The following TMEM243 variants were observed in gnomAD, a reference collection of about 807,000 sequenced individuals.
TMEM243 encodes the protein transmembrane protein 243, also known as MDR1 and mitochondrial taxol resistance associated.
A neutral mutation model predicts 15.0 loss-of-function variants in TMEM243; 20 were observed. The ratio of observed to expected loss-of-function variants is 1.33; its 90% CI spans 0.94 to 1.93. The LOEUF is 1.93. Among genes scored for constraint, TMEM243 ranks in the 30% most tolerant of loss-of-function variants. The pLI is 0.00. For missense variants in TMEM243, 156 were observed against 142.1 expected, an observed-to-expected ratio of 1.10 and a Z score of -0.50; for synonymous variants, 72 against 52.7, an observed-to-expected ratio of 1.37 and a Z score of -1.59.
chr7:87,207,270 G>A (rs1242192374), intron 1 of TMEM243, among the ~76,000 whole-genome samples: 2 of 152,196 alleles, frequency 1.3e-5, no homozygotes, highest in Non-Finnish European at 2.9e-5. Context: ...CCCAGAGAGG[G>A]GCAAGGCAAA....
intron 2 of TMEM243, chr7:87,198,256 G>A (rs1801515418): frequency 2.4e-5 from 11 of 454,792 alleles, no homozygotes; most frequent in Middle Eastern, 1.1e-3. Context: ...ACTTATGAAA[G>A]GAGAGAAAAC....
intron 1 of TMEM243, among the ~76,000 whole-genome samples, chr7:87,201,650 A>G (rs1283344206): frequency 1.3e-5 from 2 of 152,330 alleles, no homozygotes; most frequent in South Asian, 2.1e-4. Flanking sequence ...TCCAAATTGG[A>G]GCTAGAGTAC....
intron 1 of TMEM243, among the ~76,000 whole-genome samples, chr7:87,209,926 T>A (rs1408329351): frequency 1.1e-5 from 1 of 95,108 alleles, no homozygotes; most frequent in Non-Finnish European, 2.0e-5. Flanking sequence ...GAGAGGACAG[T>A]GAGAGAGAAA....
chr7:87,203,739 C>T (rs1446080195), intron 1 of TMEM243, among the ~76,000 whole-genome samples: 2 of 152,076 alleles, frequency 1.3e-5, no homozygotes, highest in Non-Finnish European at 2.9e-5. Context: ...AGTAAGCATA[C>T]TGGATAGAGT....
chr7:87,209,563 TGA>T lies in TMEM243; in HGVS notation c.78+9861_78+9862del, dbSNP rs985851710. ...AAGTGAGAGACAATGAGAGAGACAA[TGA>T]GAGAGAGACAGTGAGAGAGACAGTG... is the stretch of plus-strand genomic sequence containing the variant. On this transcript the variant is annotated intron_variant, in intron 1 of 3. Coordinates refer to ENST00000257637, the MANE Select transcript of TMEM243 (RefSeq NM_024315.4). Among the ~76,000 whole-genome samples, 153 of 94,868 alleles carry T rather than the reference TGA, an allele frequency of 1.6e-3. 2 individuals are homozygous for T. Among genetic ancestry groups the T allele is most frequent in the African/African-American group, 5.7e-3 (133 of 23,336 alleles). 62.2% of individuals were successfully genotyped at this position (94,868 alleles called of 152,430 possible). A position where few individuals can be genotyped will look rare whatever the true frequency, so the allele number is the denominator to read the frequency against.
chr7:87,205,267 A>G (rs1802122087), intron 1 of TMEM243, among the ~76,000 whole-genome samples: 2 of 151,372 alleles, frequency 1.3e-5, no homozygotes, highest in African/African-American at 4.9e-5. Context: ...CATTTTCCCC[A>G]TTGTCTTGGG....
At chr7:87,215,763 C>G (rs1024569898) in intron 1 of TMEM243, among the ~76,000 whole-genome samples, 1 of 152,184 alleles carries the variant, frequency 6.6e-6, no homozygotes, top group African/African-American at 2.4e-5. Flanking sequence ...GATAGCCAAC[C>G]TAACATGAAA....
chr7:87,209,482 TAGTGAGAGAGAGAG>T (rs1562884270), intron 1 of TMEM243, among the ~76,000 whole-genome samples: 7 of 112,622 alleles, frequency 6.2e-5, no homozygotes, highest in East Asian at 5.3e-4. Context: ...GAGAGTGAGA[TAGTGAGAGAGAGAG>T]AGAGAGAGTG....
intron 1 of TMEM243, among the ~76,000 whole-genome samples, chr7:87,216,273 CAAAA>C (rs3057445): frequency 2.6e-4 from 22 of 83,872 alleles, no homozygotes; most frequent in Admixed American, 6.0e-4. Flanking sequence ...GACTCCGTCT[CAAAA>C]AAAAAAAAAA....
chr7:87,196,797 A>C (rs1432052622), intron 3 of TMEM243, 39 bp from the exon 4 acceptor site: 2 of 1,405,692 alleles, frequency 1.4e-6, no homozygotes, highest in Non-Finnish European at 1.9e-6. Flanking sequence ...AAAATTTGAA[A>C]TATAACATTT....
rs766256137 is a variant in TMEM243 at position 87,197,991 on chromosome 7, T to C, written c.184A>G (p.Ile62Val). Residue 62 changes from isoleucine (I) to valine (V), a missense_variant, in exon 3 of 4, where the codon ATA becomes GTA. By Grantham distance (29) the Ile-to-Val change is conservative. Coordinates refer to ENST00000257637, the MANE Select transcript of TMEM243 (RefSeq NM_024315.4). ...AAAGAGATGCAGACAGCAAAGAATA[T>C]ATTCAACGGTTTTGGAGGTAGTTGA... ...FPQLPPKPLN[I>V]FFAVCISLSS... 5.0e-6 allele frequency: 8 copies of C among 1,612,868 alleles called. No individual in the cohort carries two copies. The African/African-American group carries it at 6.7e-5, about 13-fold the overall frequency.
Position 87,196,671 on chromosome 7 carries a change from A to G in TMEM243, c.322T>C (p.Cys108Arg), listed in dbSNP as rs1310455253. 6.2e-7 allele frequency: 1 copy of G among 1,610,688 alleles called. No homozygotes were observed. ...ACATCATGGAAGTACAGGTTTGCAC[A>G]TATACACAACATGATGATAGAAAAT... ...IIFSIIMLCI[C>R]ANLYFHDVGR Residue 108 changes from cysteine to arginine, a missense_variant, in exon 4 of 4, where the codon TGT becomes CGT. Transcript: ENST00000257637.
chr7:87,216,325 A>G lies in TMEM243; in HGVS notation c.78+3101T>C, dbSNP rs550001117. 1.5e-3 allele frequency among the ~76,000 whole-genome samples: 233 copies of G among 150,892 alleles called. 1 individual carries two copies. Among genetic ancestry groups the G allele is most frequent in the Middle Eastern group, 7.1e-3 (2 of 282 alleles). On this transcript the variant is annotated intron_variant, in intron 1 of 3. Transcript: ENST00000257637. ...GCCAGGCTTGGTAGAAGGCGCCTAT[A>G]GTCCCAGCTACTCAGGAGGCTGAAG...
In TMEM243 at chr7:87,207,182, C is replaced by A. The variant is rs576548463; in HGVS notation, c.79-8125G>T. Among the ~76,000 whole-genome samples the A allele has an allele frequency of 3.3e-5, 5 of 152,318 alleles. No homozygotes were observed. In the East Asian group the frequency reaches 9.6e-4, roughly 29 times the overall value. Reference sequence around the variant, plus strand: ...CCAGTTACTTTCTGCTAGGGCAGGACCAAGGACTGATTTATAAGGCATCAC... The same window carrying A: ...CCAGTTACTTTCTGCTAGGGCAGGAACAAGGACTGATTTATAAGGCATCAC... On this transcript the variant is annotated intron_variant, in intron 1 of 3. Coordinates refer to ENST00000257637, the MANE Select transcript of TMEM243 (RefSeq NM_024315.4).
chr7:87,209,488 G>C (rs1802468369), intron 1 of TMEM243, among the ~76,000 whole-genome samples: 1 of 133,094 alleles, frequency 7.5e-6, no homozygotes, highest in Non-Finnish European at 1.6e-5. Flanking sequence ...GAGATAGTGA[G>C]AGAGAGAGAG....
At chr7:87,205,307 A>T (rs1802126201) in intron 1 of TMEM243, among the ~76,000 whole-genome samples, 1 of 151,514 alleles carries the variant, frequency 6.6e-6, no homozygotes, top group African/African-American at 2.4e-5. Context: ...TTACTTGTGC[A>T]AATTTCCACA....
chr7:87,209,821 C>T (rs1018054969), intron 1 of TMEM243, among the ~76,000 whole-genome samples: 2 of 59,190 alleles, frequency 3.4e-5, no homozygotes, highest in African/African-American at 7.0e-5. Flanking sequence ...AGTGAGAGAG[C>T]GAGAGACAGT....
chr7:87,218,650 G>A (rs73210240), intron 1 of TMEM243: 7,379 of 151,758 alleles, frequency 0.049, 244 homozygotes, highest in African/African-American at 0.09. Context: ...TGGAGAAGGA[G>A]CAAAGAAATC....
chr7:87,219,623 G>T lies in TMEM243; in HGVS notation c.-120C>A, dbSNP rs1421944243. 3.4e-6 allele frequency: 3 copies of T among 888,610 alleles called. No individual in the cohort carries two copies. The highest frequency in any genetic ancestry group is 3.4e-5 in the African/African-American group (2 of 59,612). The allele number at this position is 888,610 out of a possible 1,614,324, so 55.0% of individuals were successfully genotyped here. On this transcript the variant is annotated 5_prime_UTR_variant, in exon 1 of 4. Coordinates refer to ENST00000257637, the MANE Select transcript of TMEM243 (RefSeq NM_024315.4). ...GCTCCCGCATAGCCGAACCCGAGTG[G>T]TCGGGGAAGCGCTGGCGCCAGGGAT...
Sources: gnomAD v4.1 joint callset for allele counts (sites outside exome capture counted in the v4.1 genomes callset) on GRCh38, gnomAD v4.1.1 for gene constraint, MANE v1.5 for transcripts, NCBI Gene and HGNC (gene_info 2026-07-23, HGNC 2026-07-21) for gene names.